The following POU2F3 variants were observed in gnomAD, a reference collection of about 807,000 sequenced individuals.
The protein encoded by POU2F3 is POU class 2 homeobox 3, also known as POU domain, class 2, transcription factor 3.
POU2F3 carries 23 observed loss-of-function variants against 59.2 expected under a neutral mutation model. The ratio of observed to expected loss-of-function variants is 0.39; its 90% CI spans 0.28 to 0.55. The LOEUF is 0.55. POU2F3 is among the 20% of genes least tolerant of loss of function. The pLI, the probability that POU2F3 is intolerant of heterozygous loss-of-function variation, is 0.66. For synonymous variants in POU2F3, 190 were observed against 214.6 expected (o/e 0.89, Z 1.00); for missense variants, 473 against 544.5 (o/e 0.87, Z 1.31).
At chr11:120,236,913 G>T (rs755293550), upstream of POU2F3, among the ~76,000 whole-genome samples, 11 of 152,210 alleles carry the variant, frequency 7.2e-5, no homozygotes, top group Non-Finnish European at 1.6e-4. Context: ...TGAGCCATAT[G>T]TTTGTTCTGT....
upstream of POU2F3, chr11:120,236,704 AG>A: frequency 6.7e-7 from 1 of 1,491,780 alleles, no homozygotes; most frequent in South Asian, 1.2e-5. Context: ...TAAAGGAGGA[AG>A]GGGTAAAGGA....
chr11:120,291,487 G>A (rs147779036), intron 3 of POU2F3, among the ~76,000 whole-genome samples: 26 of 152,306 alleles, frequency 1.7e-4, no homozygotes, highest in East Asian at 5.8e-4. Flanking sequence ...TTCTGATGGC[G>A]AAGGAAGGCA....
chr11:120,241,670 G>A (rs1264218951), intron 1 of POU2F3, among the ~76,000 whole-genome samples: 2 of 152,298 alleles, frequency 1.3e-5, no homozygotes, highest in Middle Eastern at 3.4e-3. Context: ...GAGAAGGCCA[G>A]GGTTTGAATG....
chr11:120,258,125 A>G (rs1939427207), intron 2 of POU2F3, among the ~76,000 whole-genome samples: 1 of 152,196 alleles, frequency 6.6e-6, no homozygotes, highest in African/African-American at 2.4e-5. Context: ...TGCACTAAGC[A>G]CATCTTTGTG....
chr11:120,249,726 G>A lies in POU2F3; in HGVS notation c.97+3209G>A, dbSNP rs60758080. ...ACAGAGGGTCAGGAGGAAGGAGGGA[G>A]AGATCGTAACATTCACAGAGCCTCC... On this transcript the variant is annotated intron_variant, in intron 2 of 12. Transcript: ENST00000543440. 8,410 of 152,248 alleles carry A rather than the reference G, an allele frequency of 0.055. 1,147 individuals carry two copies. The East Asian group carries it at 0.61, about 11-fold the overall frequency. 9.4% of individuals were successfully genotyped at this position (152,248 alleles called of 1,614,324 possible). A position where few individuals can be genotyped will look rare whatever the true frequency, so the allele number is the denominator to read the frequency against.
At chr11:120,315,558 G>A (rs1215103024) in intron 11 of POU2F3, 131 bp downstream of exon 11, 11 of 846,920 alleles carry the variant, frequency 1.3e-5, no homozygotes, top group Non-Finnish European at 1.7e-5. Context: ...TCTGTGTTGG[G>A]AAAAAAGGGT....
At chr11:120,284,726 G>A (rs570877412) in intron 3 of POU2F3, among the ~76,000 whole-genome samples, 23 of 152,306 alleles carry the variant, frequency 1.5e-4, no homozygotes, top group African/African-American at 5.5e-4. Flanking sequence ...AGTGACACAT[G>A]ACATCACTGT....
At chr11:120,280,649 T>A (rs1028617252) in intron 3 of POU2F3, among the ~76,000 whole-genome samples, 4 of 137,832 alleles carry the variant, frequency 2.9e-5, no homozygotes, top group South Asian at 2.3e-4. Flanking sequence ...AGAGAGAGAG[T>A]GTGTTTGTGT....
chr11:120,246,221 G>A (rs190016180), intron 1 of POU2F3, among the ~76,000 whole-genome samples: 77 of 152,196 alleles, frequency 5.1e-4, no homozygotes, highest in Middle Eastern at 6.8e-3. Context: ...CAGTGGCACC[G>A]GGGAAAGGGG....
chr11:120,251,793 C>CTTTTT (rs547326332), intron 2 of POU2F3, among the ~76,000 whole-genome samples: 3 of 125,236 alleles, frequency 2.4e-5, no homozygotes, highest in Non-Finnish European at 3.3e-5. Context: ...TCTTGGCTGC[C>CTTTTT]TTTTTTTTTT....
intron 3 of POU2F3, among the ~76,000 whole-genome samples, chr11:120,282,221 G>A (rs1362375067): frequency 6.6e-6 from 1 of 152,226 alleles, no homozygotes; most frequent in Non-Finnish European, 1.5e-5. Flanking sequence ...CATGCTTTCG[G>A]TCTGGGCTAT....
At chr11:120,266,238 C>T (rs1243235890) in intron 2 of POU2F3, among the ~76,000 whole-genome samples, 2 of 152,146 alleles carry the variant, frequency 1.3e-5, no homozygotes, top group Non-Finnish European at 2.9e-5. Context: ...CCTTTCTTTC[C>T]TCTGCCCTCC....
At chr11:120,297,743 G>T (rs1369918310) in intron 3 of POU2F3, among the ~76,000 whole-genome samples, 2 of 151,984 alleles carry the variant, frequency 1.3e-5, no homozygotes, top group Non-Finnish European at 2.9e-5. Context: ...AGAAAAAAAA[G>T]AATATCATCT....
rs1276922130 is a variant in POU2F3 at position 120,317,317 on chromosome 11, T to C, written c.1224T>C (p.Asn408=). The C allele has an allele frequency of 6.2e-7, 1 of 1,614,138 alleles. No homozygotes were observed. The highest frequency in any genetic ancestry group is 1.3e-5 in the African/African-American group (1 of 75,020). ...CCAGCAGCCCCACTGCATCTCAAAA[T>C]AACTCCAAAGCAGCAGTGAACTCCG... ...LHASSPTASQ[N]NSKAAVNSAS... is the part of the protein sequence containing the mutation. The change falls in exon 12 of 13, where the codon AAT becomes AAC. Residue 408 remains asparagine (N), a synonymous_variant. Coordinates refer to ENST00000543440, the MANE Select transcript of POU2F3 (RefSeq NM_014352.4).
chr11:120,315,346 T>C lies in POU2F3; in HGVS notation c.1069-15T>C. 6.2e-7 allele frequency: 1 copy of C among 1,606,374 alleles called. No homozygotes were observed. The highest frequency in any genetic ancestry group is 2.2e-5 in the East Asian group (1 of 44,842). On this transcript the variant is annotated splice_polypyrimidine_tract_variant and intron_variant, in intron 10 of 12. Transcript: ENST00000543440. Reference sequence around the variant, plus strand: ...GAGCAGAAATGGACATTTACAAGCTTCTGTTGTTTTTCAGGTATCTCCCTC... The same window carrying C: ...GAGCAGAAATGGACATTTACAAGCTCCTGTTGTTTTTCAGGTATCTCCCTC...
intron 5 of POU2F3, chr11:120,301,108 G>T (rs1192705513): frequency 2.2e-6 from 1 of 454,434 alleles, no homozygotes; most frequent in Non-Finnish European, 4.4e-6. Context: ...ATGATGCAGT[G>T]GTGGAAAGAC....
At chr11:120,246,004 G>A (rs1199695632) in intron 1 of POU2F3, among the ~76,000 whole-genome samples, 8 of 152,120 alleles carry the variant, frequency 5.3e-5, no homozygotes, top group Admixed American at 5.2e-4. Flanking sequence ...TCCAGGATGG[G>A]GTTATTAAGG....
intron 1 of POU2F3, among the ~76,000 whole-genome samples, chr11:120,240,832 G>T (rs1938632364): frequency 6.6e-6 from 1 of 152,130 alleles, no homozygotes; most frequent in Non-Finnish European, 1.5e-5. Flanking sequence ...GTGGTTGGGG[G>T]GCTTAGGAGA....
chr11:120,256,387 C>T (rs996394419), intron 2 of POU2F3: 7 of 152,178 alleles, frequency 4.6e-5, no homozygotes, highest in African/African-American at 1.7e-4. Context: ...ATGCTATTTG[C>T]TATTATTAGT....
Sources: gnomAD v4.1 joint callset for allele counts (sites outside exome capture counted in the v4.1 genomes callset) on GRCh38, gnomAD v4.1.1 for gene constraint, MANE v1.5 for transcripts, NCBI Gene and HGNC (gene_info 2026-07-23, HGNC 2026-07-21) for gene names.